The following DNAH9 variants were observed in gnomAD, a reference collection of about 807,000 sequenced individuals.
DNAH9 encodes dynein axonemal heavy chain 9.
A neutral mutation model predicts 471.6 loss-of-function variants in DNAH9; 345 were observed. The observed-to-expected ratio is 0.73, with a 90% CI of 0.67 to 0.80. The LOEUF (loss-of-function observed/expected upper bound fraction) is 0.80. Among genes scored for constraint, DNAH9 ranks in the 30% least tolerant of loss-of-function variants. DNAH9 has a pLI of 0.00. For missense variants in DNAH9, 5,407 were observed against 5,609.2 expected, an observed-to-expected ratio of 0.96 and a Z score of 1.15; for synonymous variants, 2,093 against 2,123.6, an observed-to-expected ratio of 0.99 and a Z score of 0.40.
chr17:11,915,863 TTC>T (rs1453275830), intron 61 of DNAH9, among the ~76,000 whole-genome samples: 2 of 152,228 alleles, frequency 1.3e-5, no homozygotes, highest in African/African-American at 2.4e-5. Flanking sequence ...AATTTAATCA[TTC>T]TGTTATAATT....
chr17:11,818,090 A>G lies in DNAH9; in HGVS notation c.8708-3830A>G, dbSNP rs143456985. ...ATTACTCACACTCTGATTATTACTG[A>G]TCATTTGCCAGACCACTCACTTTGA... On this transcript the variant is annotated intron_variant, in intron 45 of 68. Coordinates refer to ENST00000262442, the MANE Select transcript of DNAH9 (RefSeq NM_001372.4). 4.4e-3 allele frequency among the ~76,000 whole-genome samples: 666 copies of G among 152,312 alleles called. 4 individuals carry two copies. The highest frequency in any genetic ancestry group is 7.6e-3 in the Non-Finnish European group (514 of 68,032).
intron 41 of DNAH9, among the ~76,000 whole-genome samples, chr17:11,785,918 A>C (rs1968853788): frequency 6.6e-6 from 1 of 152,236 alleles, no homozygotes; most frequent in Non-Finnish European, 1.5e-5. Context: ...TAAAGCCTGC[A>C]TCTCTGCAGG....
At chr17:11,642,204 A>C (rs570201498) in intron 10 of DNAH9, among the ~76,000 whole-genome samples, 5 of 152,266 alleles carry the variant, frequency 3.3e-5, no homozygotes, top group African/African-American at 9.6e-5. Flanking sequence ...GACCTCTATA[A>C]TTCCCGTGAA....
At position 11,835,818 on chromosome 17, in the gene DNAH9, C is replaced by T. The variant is rs1386873934; in HGVS notation, c.9507+920C>T. Among the ~76,000 whole-genome samples, 3 of 152,318 alleles carry T rather than the reference C, an allele frequency of 2.0e-5. No homozygotes were observed. In the East Asian group the frequency reaches 5.8e-4, roughly 29 times the overall value. On this transcript the variant is annotated intron_variant, in intron 49 of 68. Coordinates refer to ENST00000262442, the MANE Select transcript of DNAH9 (RefSeq NM_001372.4). The stretch of plus-strand genomic sequence containing the variant: ...ACACTTGGGCAAGTTCTAAAACAAC[C>T]TATGGCGGCTGAGCCATGCAAGTGG...
In DNAH9 at chr17:11,822,373, A is replaced by G. The variant is rs1399724837; in HGVS notation, c.8851-65A>G. The stretch of plus-strand genomic sequence containing the variant: ...TGGGAGCTAGAGAACCCAAGGCCAT[A>G]TCTGCCTCTCCGTGAGTATTTCTCT... On this transcript the variant is annotated intron_variant, in intron 46 of 68. Coordinates refer to ENST00000262442, the MANE Select transcript of DNAH9 (RefSeq NM_001372.4). 4 of 1,582,762 alleles carry G rather than the reference A, an allele frequency of 2.5e-6. No individual in the cohort carries two copies. The African/African-American group carries it at 5.4e-5, about 21-fold the overall frequency.
rs1438924295 is a variant in DNAH9, at chr17:11,727,917, G to A, written c.5809G>A (p.Val1937Met). Residue 1937 changes from valine to methionine, a missense_variant, in exon 28 of 69, where the codon GTG becomes ATG. Transcript: ENST00000262442. ...CGTGGAGGTCTTGTCAGTGGTGGCA[G>A]TGCAGGTAAGGGCCAGAAGTTGGTG... ...ISVEVLSVVA[V>M]QVKSIQDAIR... 1.2e-6 allele frequency: 2 copies of A among 1,610,752 alleles called. No individual in the cohort carries two copies. The highest frequency in any genetic ancestry group is 1.1e-5 in the South Asian group (1 of 91,030).
intron 26 of DNAH9, among the ~76,000 whole-genome samples, chr17:11,708,517 G>C (rs1002175787): frequency 6.6e-6 from 1 of 152,128 alleles, no homozygotes; most frequent in African/African-American, 2.4e-5. Context: ...AGTAGCAACT[G>C]GAGTTGGGGG....
At chr17:11,876,629 A>C (rs1972496762) in intron 53 of DNAH9, among the ~76,000 whole-genome samples, 1 of 152,214 alleles carries the variant, frequency 6.6e-6, no homozygotes, top group Non-Finnish European at 1.5e-5. Flanking sequence ...CAGAAAGTCG[A>C]ATGGTGTTTG....
chr17:11,703,090 C>CAAA (rs535913798), intron 24 of DNAH9, among the ~76,000 whole-genome samples: 5,966 of 87,612 alleles, frequency 0.068, 507 homozygotes, highest in African/African-American at 0.23. Flanking sequence ...GAGACTGTCT[C>CAAA]AAAAAAAAAA....
chr17:11,618,152 T>C (rs559298347), intron 5 of DNAH9, among the ~76,000 whole-genome samples: 1 of 152,366 alleles, frequency 6.6e-6, no homozygotes, highest in African/African-American at 2.4e-5. Flanking sequence ...TGATAATGCA[T>C]GTGCCCTGCA....
At chr17:11,760,542 C>T (rs561056147) in intron 35 of DNAH9, among the ~76,000 whole-genome samples, 10 of 151,584 alleles carry the variant, frequency 6.6e-5, no homozygotes, top group South Asian at 2.1e-4. Flanking sequence ...TTTTTTGAGA[C>T]GGAGTCTTGC....
At chr17:11,921,625 A>G (rs1161238498) in intron 61 of DNAH9, among the ~76,000 whole-genome samples, 2 of 152,206 alleles carry the variant, frequency 1.3e-5, no homozygotes, top group African/African-American at 4.8e-5. Flanking sequence ...AGAGCCTCAC[A>G]GTTGCAAAGG....
chr17:11,653,067 G>C (rs2073549605), intron 14 of DNAH9, 65 bp downstream of exon 14: 1 of 1,544,810 alleles, frequency 6.5e-7, no homozygotes, highest in African/African-American at 1.4e-5. Context: ...AAGTGTGTTT[G>C]GATGAATAAG....
Position 11,690,061 on chromosome 17 carries a change from G to A in DNAH9, c.4239G>A (p.Leu1413=), listed in dbSNP as rs769099144. Residue 1413 remains leucine, a synonymous_variant, in exon 20 of 69, where the codon CTG becomes CTA. Coordinates refer to ENST00000262442, the MANE Select transcript of DNAH9 (RefSeq NM_001372.4). ...TAGCGCACCTGCTGCAGCTCCAGCT[G>A]CACCACTATGAGGATGAGGTCCGGG... is the stretch of plus-strand genomic sequence containing the variant. The part of the protein sequence containing the change: ...TTLAHLLQLQ[L]HHYEDEVRGI... 1 of 1,614,200 alleles carries A rather than the reference G, an allele frequency of 6.2e-7. No individual in the cohort carries two copies. Among genetic ancestry groups the A allele is most frequent in the Non-Finnish European group, 8.5e-7 (1 of 1,180,020 alleles).
At chr17:11,611,156 A>G (rs1226003919) in intron 3 of DNAH9, among the ~76,000 whole-genome samples, 1 of 152,170 alleles carries the variant, frequency 6.6e-6, no homozygotes, top group African/African-American at 2.4e-5. Context: ...AGGCAGACAG[A>G]TGTTAGCGGC....
intron 43 of DNAH9, among the ~76,000 whole-genome samples, chr17:11,803,769 G>C (rs1295587860): frequency 6.6e-6 from 1 of 152,144 alleles, no homozygotes; most frequent in East Asian, 1.9e-4. Flanking sequence ...GAATAGGGCT[G>C]GGGGGTTGGG....
rs1257817836 is a variant in DNAH9 at position 11,807,718 on chromosome 17, T to G, written c.8421-14T>G. 6.3e-7 allele frequency: 1 copy of G among 1,598,136 alleles called. No homozygotes were observed. Among genetic ancestry groups the G allele is most frequent in the Non-Finnish European group, 8.6e-7 (1 of 1,167,556 alleles). On this transcript the variant is annotated splice_polypyrimidine_tract_variant and intron_variant, in intron 43 of 68. Transcript: ENST00000262442. Reference sequence around the variant, plus strand: ...TCTGATCAAAGCAACATGTGCCTGCTTCCTTCTCTTTAGCTGCCATATCAA... The same window carrying G: ...TCTGATCAAAGCAACATGTGCCTGCGTCCTTCTCTTTAGCTGCCATATCAA...
At chr17:11,734,000 T>A (rs1044767922) in intron 28 of DNAH9, among the ~76,000 whole-genome samples, 5 of 151,992 alleles carry the variant, frequency 3.3e-5, no homozygotes, top group Non-Finnish European at 5.9e-5. Context: ...GAGGGGCAAT[T>A]GTGGGCCATG....
chr17:11,689,100 A>G (rs2074289016), intron 19 of DNAH9, among the ~76,000 whole-genome samples: 1 of 151,588 alleles, frequency 6.6e-6, no homozygotes, highest in Admixed American at 6.6e-5. Context: ...GTCTCAAAAA[A>G]AAAATAAAAA....
Sources: allele counts gnomAD v4.1 joint callset (sites outside exome capture counted in the v4.1 genomes callset), GRCh38; gene constraint gnomAD v4.1.1; transcripts MANE v1.5; gene names NCBI Gene and HGNC (gene_info 2026-07-23, HGNC 2026-07-21).